The following DRICH1 variants were observed in gnomAD, a reference collection of about 807,000 sequenced individuals.
DRICH1 encodes aspartate rich 1.
In DRICH1, 38 loss-of-function variants were observed where a neutral mutation model predicts 39.5. The observed-to-expected ratio is 0.96, with a 90% confidence interval of 0.74 to 1.26. DRICH1 has a LOEUF of 1.26. Ranked by LOEUF, DRICH1 falls within the 50% of genes most tolerant of loss-of-function variation. The pLI, the probability that DRICH1 is intolerant of heterozygous loss-of-function variation, is 0.00. For synonymous variants in DRICH1, 84 were observed against 99.5 expected (o/e 0.84, Z 0.93); for missense variants, 279 against 270.4 (o/e 1.03, Z -0.22).
chr22:23,619,600 T>A (rs1375066060), intron 5 of DRICH1, among the ~76,000 whole-genome samples: 2 of 152,130 alleles, frequency 1.3e-5, no homozygotes, highest in Non-Finnish European at 2.9e-5. Flanking sequence ...AATGCACACA[T>A]ACAGAGTCAG....
rs1921005522 is a variant in DRICH1, at chr22:23,632,210, C to T, written c.-187G>A. The stretch of plus-strand genomic sequence containing the variant: ...ACTAGCTGGTCTATGAGGTCAGGGA[C>T]CTGCTGTCTTCTTTGAAAAATAAAC... On this transcript the variant is annotated 5_prime_UTR_variant, in exon 1 of 12. Coordinates refer to ENST00000317749, the MANE Select transcript of DRICH1 (RefSeq NM_016449.4). The T allele has an allele frequency of 2.1e-6, 2 of 930,642 alleles. No homozygotes were observed. The highest frequency in any genetic ancestry group is 1.8e-5 in the South Asian group (1 of 56,116). The allele number at this position is 930,642 out of a possible 1,614,324, so 57.6% of individuals were successfully genotyped here.
the DRICH1 span, among the ~76,000 whole-genome samples, chr22:23,591,701 G>A: frequency 6.6e-6 from 1 of 152,142 alleles, no homozygotes; most frequent in African/African-American, 2.4e-5. Context: ...ATGGGCTCAG[G>A]GAAAATCACA....
chr22:23,619,336 ATACT>A lies in DRICH1; in HGVS notation c.436+24_436+27del, dbSNP rs764544156. On this transcript the variant is annotated intron_variant, in intron 6 of 11. Coordinates refer to ENST00000317749, the MANE Select transcript of DRICH1 (RefSeq NM_016449.4). ...GAAGACTCAGCATGACTAACACACA[ATACT>A]ACACACATGATCTACAGACTCACAA... is the stretch of plus-strand genomic sequence containing the variant. 9.4e-5 allele frequency: 73 copies of A among 780,622 alleles called. No homozygotes were observed. The East Asian group carries it at 1.7e-3, about 19-fold the overall frequency. The allele number at this position is 780,622 out of a possible 1,614,324, so 48.4% of individuals were successfully genotyped here. A position where few individuals can be genotyped will look rare whatever the true frequency, so the allele number is the denominator to read the frequency against.
the DRICH1 span, among the ~76,000 whole-genome samples, chr22:23,597,102 C>T: frequency 0.15 from 20,780 of 141,690 alleles, 1,619 homozygotes; most frequent in Middle Eastern, 0.2. Context: ...TCCTTCTTTG[C>T]CTCTTGTAAT....
At chr22:23,584,943 A>G in the DRICH1 span, among the ~76,000 whole-genome samples, 2 of 152,046 alleles carry the variant, frequency 1.3e-5, no homozygotes, top group Non-Finnish European at 2.9e-5. Context: ...GATTTAAGTT[A>G]CCAGTTTCCC....
the DRICH1 span, among the ~76,000 whole-genome samples, chr22:23,589,411 A>ACTGCACTCC: frequency 6.6e-6 from 1 of 152,076 alleles, no homozygotes; most frequent in Non-Finnish European, 1.5e-5. Context: ...TGATGGTGCC[A>ACTGCACTCC]CTGCACTCCA....
chr22:23,613,813 G>C (rs1391310897), intron 9 of DRICH1, among the ~76,000 whole-genome samples, 153 bp from the exon 10 acceptor site: 1 of 152,208 alleles, frequency 6.6e-6, no homozygotes, highest in Non-Finnish European at 1.5e-5. Flanking sequence ...ACAGAGGATA[G>C]CTATAGAAAA....
the DRICH1 span, among the ~76,000 whole-genome samples, chr22:23,587,747 C>T: frequency 1.3e-5 from 2 of 152,182 alleles, no homozygotes; most frequent in Non-Finnish European, 2.9e-5. Flanking sequence ...CAGGGGTCTC[C>T]CCACCGTGCA....
the DRICH1 span, among the ~76,000 whole-genome samples, chr22:23,586,358 T>C: frequency 2.0e-5 from 3 of 152,118 alleles, no homozygotes; most frequent in Non-Finnish European, 2.9e-5. Context: ...GCATGGTGAC[T>C]TGCACCTGTA....
chr22:23,589,296 C>A, the DRICH1 span, among the ~76,000 whole-genome samples: 2 of 151,872 alleles, frequency 1.3e-5, no homozygotes, highest in East Asian at 3.9e-4. Flanking sequence ...ACAAAAAATA[C>A]AAAAATTAAC....
chr22:23,630,114 GTATT>G (rs1928303832), intron 1 of DRICH1, among the ~76,000 whole-genome samples: 1 of 152,158 alleles, frequency 6.6e-6, no homozygotes, highest in Non-Finnish European at 1.5e-5. Flanking sequence ...CTTTCTATGT[GTATT>G]TCACAGTAAT....
At chr22:23,603,844 C>T (rs937695959), downstream of DRICH1, among the ~76,000 whole-genome samples, 2 of 152,158 alleles carry the variant, frequency 1.3e-5, no homozygotes, top group African/African-American at 2.4e-5. Context: ...ATGAGCAAGA[C>T]GATGAGTGGA....
chr22:23,613,161 C>T, intron 11 of DRICH1, 128 bp downstream of exon 11: 1 of 739,808 alleles, frequency 1.4e-6, no homozygotes, highest in Non-Finnish European at 2.5e-6. Context: ...CCAGACCTCA[C>T]ACATATTTCC....
chr22:23,586,532 A>T, the DRICH1 span, among the ~76,000 whole-genome samples: 1 of 151,948 alleles, frequency 6.6e-6, no homozygotes, highest in Non-Finnish European at 1.5e-5. Flanking sequence ...ATGTTCCCTG[A>T]TGAGGTTTTT....
chr22:23,625,034 C>A, intron 2 of DRICH1, 130 bp from the exon 3 acceptor site: 1 of 1,048,510 alleles, frequency 9.5e-7, no homozygotes, highest in Non-Finnish European at 1.4e-6. Context: ...ATGTCAAAGA[C>A]AAAACACTTT....
At chr22:23,583,340 G>A in the DRICH1 span, 1 of 152,160 alleles carries the variant, frequency 6.6e-6, no homozygotes, top group Non-Finnish European at 1.5e-5. Flanking sequence ...GCCCCCGGGT[G>A]TGTCCCTGGG....
At chr22:23,598,454 C>T in the DRICH1 span, among the ~76,000 whole-genome samples, 15 of 152,126 alleles carry the variant, frequency 9.9e-5, no homozygotes, top group Middle Eastern at 3.4e-3. Context: ...GAGGAGGAAA[C>T]TGAGGCCCAC....
At position 23,629,515 on chromosome 22, in the gene DRICH1, A is replaced by C. The variant is rs146700367; in HGVS notation, c.208+2301T>G. Among the ~76,000 whole-genome samples, 144 of 152,328 alleles carry C rather than the reference A, an allele frequency of 9.5e-4. 1 individual carries two copies. The highest frequency in any genetic ancestry group is 3.3e-3 in the African/African-American group (136 of 41,584). On this transcript the variant is annotated intron_variant, in intron 1 of 11. Coordinates refer to ENST00000317749, the MANE Select transcript of DRICH1 (RefSeq NM_016449.4). Reference sequence around the variant, plus strand: ...TAACCTACTGGTGCAAGAGGTCTCCAATGAGGGTGATCGGCACCAGGCTAA... The same window carrying C: ...TAACCTACTGGTGCAAGAGGTCTCCCATGAGGGTGATCGGCACCAGGCTAA...
intron 5 of DRICH1, among the ~76,000 whole-genome samples, chr22:23,620,234 G>A (rs1927640217): frequency 6.6e-6 from 1 of 152,024 alleles, no homozygotes; most frequent in African/African-American, 2.4e-5. Flanking sequence ...AAGGTTCCTG[G>A]AAATGCTGTT....
Sources: gnomAD v4.1 joint callset for allele counts (sites outside exome capture counted in the v4.1 genomes callset) on GRCh38, gnomAD v4.1.1 for gene constraint, MANE v1.5 for transcripts, NCBI Gene and HGNC (gene_info 2026-07-23, HGNC 2026-07-21) for gene names.